The following COL24A1 variants were observed in gnomAD, a reference collection of about 807,000 sequenced individuals.
The protein encoded by COL24A1 is collagen alpha-1(XXIV) chain.
In COL24A1, 224 loss-of-function variants were observed where a neutral mutation model predicts 253.9. The ratio of observed to expected loss-of-function variants is 0.88; its 90% CI spans 0.79 to 0.99. The LOEUF (loss-of-function observed/expected upper bound fraction) is 0.99. Among genes scored for constraint, COL24A1 ranks in the 50% least tolerant of loss-of-function variants. The probability of loss-of-function intolerance (pLI) is 0.00; values close to 1 mark genes in which losing one functional copy is unlikely to be tolerated. For missense variants in COL24A1, 2,131 were observed against 2,068.5 expected, an observed-to-expected ratio of 1.03 and a Z score of -0.59; for synonymous variants, 685 against 673.7, an observed-to-expected ratio of 1.02 and a Z score of -0.26.
chr1:85,993,416 GT>G (rs1694478216), intron 19 of COL24A1, among the ~76,000 whole-genome samples: 1 of 148,454 alleles, frequency 6.7e-6, no homozygotes. Context: ...AATCTCAAAT[GT>G]CTTATGCTAA....
chr1:85,730,490 T>G lies in COL24A1; in HGVS notation c.*56A>C, dbSNP rs1663366054. 1.9e-6 allele frequency: 3 copies of G among 1,580,836 alleles called. No homozygotes were observed. The South Asian group carries it at 3.4e-5, about 18-fold the overall frequency. ...TGACTGTATCTGTCTGTCTTATTTC[T>G]CCCTCTGCAGCAATTACCTGGCCAA... is the stretch of plus-strand genomic sequence containing the variant. On this transcript the variant is annotated 3_prime_UTR_variant, in exon 60 of 60. Transcript: ENST00000370571.
chr1:85,839,671 A>G (rs1212234049), intron 42 of COL24A1, among the ~76,000 whole-genome samples: 1 of 151,734 alleles, frequency 6.6e-6, no homozygotes, highest in African/African-American at 2.4e-5. Flanking sequence ...TTGAGGCTGC[A>G]GTGAGCCAGC....
chr1:85,784,507 A>G lies in COL24A1; in HGVS notation c.4060-141T>C, dbSNP rs1669474298. 5 of 600,990 alleles carry G rather than the reference A, an allele frequency of 8.3e-6. No homozygotes were observed. The Admixed American group carries it at 1.5e-4, about 18-fold the overall frequency. 37.2% of individuals were successfully genotyped at this position (600,990 alleles called of 1,614,324 possible). ...TGGGGAAATCAAATTTTGCATGTTC[A>G]TCTTGTTCACCAATATTTTCCACAC... On this transcript the variant is annotated intron_variant, in intron 48 of 59. Transcript: ENST00000370571.
chr1:86,131,616 G>T (rs1347556042), intron 2 of COL24A1, among the ~76,000 whole-genome samples: 17 of 150,520 alleles, frequency 1.1e-4, no homozygotes, highest in Admixed American at 1.0e-3. Context: ...GCAGTGTTTG[G>T]TTTTTTGTCC....
At chr1:85,816,976 G>A in intron 46 of COL24A1, 81 bp from the exon 47 acceptor site, 1 of 1,049,542 alleles carries the variant, frequency 9.5e-7, no homozygotes. Flanking sequence ...TTATTGAGCT[G>A]GAGAAGTTTA....
intron 24 of COL24A1, among the ~76,000 whole-genome samples, chr1:85,915,994 C>T (rs1685861916): frequency 6.6e-6 from 1 of 152,034 alleles, no homozygotes; most frequent in South Asian, 2.1e-4. Flanking sequence ...CCATGTGCAC[C>T]AGAACAATAT....
chr1:85,775,855 C>G, intron 52 of COL24A1, 146 bp from the exon 53 acceptor site: 1 of 622,964 alleles, frequency 1.6e-6, no homozygotes, highest in Non-Finnish European at 2.8e-6. Context: ...TGTATAAGTT[C>G]TAGTGTTCTT....
At chr1:85,886,671 G>GA (rs887597194) in intron 32 of COL24A1, among the ~76,000 whole-genome samples, 82 of 145,392 alleles carry the variant, frequency 5.6e-4, no homozygotes, top group African/African-American at 1.8e-3. Context: ...TCTTAAAAAA[G>GA]AAAAAAAAAA....
chr1:85,796,420 G>A (rs1387373676), intron 47 of COL24A1, among the ~76,000 whole-genome samples: 2 of 152,114 alleles, frequency 1.3e-5, no homozygotes, highest in Non-Finnish European at 2.9e-5. Context: ...AGGACTAACA[G>A]GGACTGAAAG....
intron 24 of COL24A1, among the ~76,000 whole-genome samples, chr1:85,945,002 G>GTTTTTTTTTTTTTT (rs1165341082): frequency 1.7e-4 from 6 of 35,356 alleles, no homozygotes; most frequent in Non-Finnish European, 2.4e-4. Context: ...CTATCATTGT[G>GTTTTTTTTTTTTTT]TTTTTTTTTT....
chr1:86,125,464 G>A lies in COL24A1; in HGVS notation c.872C>T (p.Pro291Leu). 6.2e-7 allele frequency: 1 copy of A among 1,613,428 alleles called. No homozygotes were observed. Among genetic ancestry groups the A allele is most frequent in the Non-Finnish European group, 8.5e-7 (1 of 1,179,746 alleles). ...TTCAGAATCATTTTTTATGATATTT[G>A]GAATGCTTTTGCCTTCAGTAAATGT... ...EDTFTEGKSI[P>L]NIIKNDSETV... is the part of the protein sequence containing the mutation. The change falls in exon 3 of 60, where the codon CCA (proline) becomes CTA (leucine). Residue 291 changes from proline (P) to leucine (L), a missense_variant. Transcript: ENST00000370571.
At chr1:86,077,563 CA>C (rs1468674540) in intron 7 of COL24A1, among the ~76,000 whole-genome samples, 25 of 152,172 alleles carry the variant, frequency 1.6e-4, no homozygotes, top group Admixed American at 1.4e-3. Context: ...GCACTATTCA[CA>C]ATAGCAAAGA....
chr1:85,920,288 T>C (rs1039208607), intron 24 of COL24A1, among the ~76,000 whole-genome samples: 10 of 152,194 alleles, frequency 6.6e-5, no homozygotes, highest in Non-Finnish European at 1.3e-4. Flanking sequence ...TGGTTACATG[T>C]TGACATGATG....
chr1:85,936,214 C>T lies in COL24A1; in HGVS notation c.2563-24781G>A, dbSNP rs927232638. Reference sequence around the variant, plus strand: ...GTGAAAACAGTATCTGGGCAGAGGTCCCTGAAGATTTTGAACTGCTAGTCT... The same window carrying T: ...GTGAAAACAGTATCTGGGCAGAGGTTCCTGAAGATTTTGAACTGCTAGTCT... On this transcript the variant is annotated intron_variant, in intron 24 of 59. Transcript: ENST00000370571. Among the ~76,000 whole-genome samples, 7 of 147,204 alleles carry T rather than the reference C, an allele frequency of 4.8e-5. 1 individual carries two copies. Among genetic ancestry groups the T allele is most frequent in the African/African-American group, 1.5e-4 (6 of 40,164 alleles).
At chr1:85,857,097 AT>A (rs1678517023) in intron 37 of COL24A1, among the ~76,000 whole-genome samples, 1 of 152,080 alleles carries the variant, frequency 6.6e-6, no homozygotes, top group African/African-American at 2.4e-5. Flanking sequence ...TCAGAGAGAG[AT>A]CTTTTTTGCA....
intron 59 of COL24A1, among the ~76,000 whole-genome samples, chr1:85,732,331 G>A (rs1392309544): frequency 2.6e-5 from 4 of 151,716 alleles, no homozygotes; most frequent in Non-Finnish European, 5.9e-5. Context: ...CCAGGTTCAC[G>A]CCATTCTCCT....
At chr1:85,767,103 CAAT>C (rs67386357) in intron 53 of COL24A1, among the ~76,000 whole-genome samples, 111,729 of 145,540 alleles carry the variant, frequency 0.77, 44,050 homozygotes, top group Non-Finnish European at 0.88. Flanking sequence ...GACTCCGTCT[CAAT>C]AATAATAATA....
At chr1:86,003,911 T>C (rs1419347446) in intron 19 of COL24A1, among the ~76,000 whole-genome samples, 1 of 152,122 alleles carries the variant, frequency 6.6e-6, no homozygotes, top group African/African-American at 2.4e-5. Context: ...AAGGAGGTTA[T>C]AAAAAACCAA....
At chr1:85,875,200 G>A (rs1680995324) in intron 34 of COL24A1, 77 bp downstream of exon 34, 1 of 1,253,946 alleles carries the variant, frequency 8.0e-7, no homozygotes, top group Admixed American at 1.8e-5. Flanking sequence ...AGCAAATATA[G>A]GGGATTCAAT....
Sources: gnomAD v4.1 joint callset for allele counts (sites outside exome capture counted in the v4.1 genomes callset) on GRCh38, gnomAD v4.1.1 for gene constraint, MANE v1.5 for transcripts, NCBI Gene and HGNC (gene_info 2026-07-23, HGNC 2026-07-21) for gene names.